TCF7L1: variants seen among roughly 807,000 people sequenced by gnomAD.
TCF7L1 encodes the protein transcription factor 7-like 1.
A neutral mutation model predicts 63.7 loss-of-function variants in TCF7L1; 18 were observed. That is an observed-to-expected ratio of 0.28 (90% CI 0.20 to 0.42). The LOEUF is 0.42. TCF7L1 is among the 10% of genes least tolerant of loss of function. The probability of loss-of-function intolerance (pLI) is 1.00; values close to 1 mark genes in which losing one functional copy is unlikely to be tolerated. For missense variants in TCF7L1, 654 were observed against 779.3 expected (o/e 0.84, Z 1.91); for synonymous variants, 355 against 340.9 (o/e 1.04, Z -0.46).
chr2:85,193,490 GCC>G (rs1442257434), intron 3 of TCF7L1, among the ~76,000 whole-genome samples: 2 of 152,102 alleles, frequency 1.3e-5, no homozygotes, highest in African/African-American at 4.8e-5. Context: ...TTCAAGACCA[GCC>G]TAGGCAACAA....
intron 3 of TCF7L1, among the ~76,000 whole-genome samples, chr2:85,173,429 G>GA (rs969931892): frequency 7.2e-5 from 11 of 152,064 alleles, no homozygotes; most frequent in African/African-American, 2.7e-4. Flanking sequence ...ACCATGGGGG[G>GA]ATATATAGAA....
At chr2:85,209,070 C>T (rs1450661076) in intron 3 of TCF7L1, among the ~76,000 whole-genome samples, 1 of 152,170 alleles carries the variant, frequency 6.6e-6, no homozygotes, top group Non-Finnish European at 1.5e-5. Context: ...GCGTTTCCTC[C>T]GAGTGGGACA....
chr2:85,198,131 C>A (rs1421020231), intron 3 of TCF7L1, among the ~76,000 whole-genome samples: 1 of 152,204 alleles, frequency 6.6e-6, no homozygotes. Flanking sequence ...ATCAAGTTGA[C>A]CAACAACCTT....
At chr2:85,266,058 G>A (rs982490852) in intron 3 of TCF7L1, among the ~76,000 whole-genome samples, 11 of 152,184 alleles carry the variant, frequency 7.2e-5, no homozygotes, top group African/African-American at 2.6e-4. Context: ...TACACAGGTG[G>A]AAATACATGT....
At chr2:85,256,852 G>A (rs189502838) in intron 3 of TCF7L1, among the ~76,000 whole-genome samples, 2 of 152,032 alleles carry the variant, frequency 1.3e-5, no homozygotes, top group East Asian at 3.9e-4. Flanking sequence ...GTGTGGTGGC[G>A]GGCATCTGTA....
chr2:85,308,116 T>C (rs1363890675), intron 11 of TCF7L1, among the ~76,000 whole-genome samples: 1 of 152,198 alleles, frequency 6.6e-6, no homozygotes, highest in Non-Finnish European at 1.5e-5. Flanking sequence ...CCTTGGATGT[T>C]TCTTTGGTTG....
intron 3 of TCF7L1, among the ~76,000 whole-genome samples, chr2:85,193,458 C>T (rs558908985): frequency 6.6e-6 from 1 of 152,198 alleles, no homozygotes; most frequent in South Asian, 2.1e-4. Flanking sequence ...GCCAAGGTGG[C>T]AGGATTGCTT....
chr2:85,262,052 CTT>C (rs1680868378), intron 3 of TCF7L1: 1 of 533,190 alleles, frequency 1.9e-6, no homozygotes, highest in Non-Finnish European at 3.7e-6. Context: ...GCTGGAGACA[CTT>C]TGTAGCAGAG....
chr2:85,136,808 T>G (rs183484946), intron 3 of TCF7L1, among the ~76,000 whole-genome samples: 1 of 152,338 alleles, frequency 6.6e-6, no homozygotes, highest in East Asian at 1.9e-4. Flanking sequence ...GAGGAAACAC[T>G]TAAGCACTTG....
chr2:85,217,216 C>T (rs557276009), intron 3 of TCF7L1: 24 of 152,302 alleles, frequency 1.6e-4, no homozygotes, highest in African/African-American at 5.5e-4. Flanking sequence ...TGTAAGTGGC[C>T]ACCTAAGCCT....
chr2:85,308,447 C>G (rs61440596), intron 11 of TCF7L1, among the ~76,000 whole-genome samples: 33,761 of 61,566 alleles, frequency 0.55, 9,612 homozygotes, highest in Non-Finnish European at 0.62. Flanking sequence ...CTCCCTTTCT[C>G]TTTCCCTCCC....
intron 3 of TCF7L1, chr2:85,262,032 A>G (rs1232369681): frequency 3.8e-6 from 2 of 527,652 alleles, no homozygotes. Flanking sequence ...CACTTCATTG[A>G]TCATTTCTAG....
chr2:85,163,849 A>G (rs1244001448), intron 3 of TCF7L1, among the ~76,000 whole-genome samples: 1 of 152,052 alleles, frequency 6.6e-6, no homozygotes, highest in African/African-American at 2.4e-5. Flanking sequence ...TGCTTTTTAT[A>G]AGGATAGCAG....
intron 3 of TCF7L1, among the ~76,000 whole-genome samples, chr2:85,208,560 A>G (rs1679468774): frequency 2.0e-5 from 3 of 152,310 alleles, no homozygotes; most frequent in South Asian, 2.1e-4. Context: ...TATCCAGTTC[A>G]TGGCTAAATT....
intron 3 of TCF7L1, among the ~76,000 whole-genome samples, chr2:85,143,106 G>A (rs970965782): frequency 6.6e-6 from 1 of 152,114 alleles, no homozygotes; most frequent in African/African-American, 2.4e-5. Context: ...AATTATCTGG[G>A]GTCCTCAGGA....
chr2:85,163,993 G>A (rs1479874504), intron 3 of TCF7L1, among the ~76,000 whole-genome samples: 1 of 152,162 alleles, frequency 6.6e-6, no homozygotes, highest in East Asian at 1.9e-4. Flanking sequence ...GAGATGTACT[G>A]GGGGTTAGGA....
chr2:85,277,846 C>G (rs1209174217), intron 3 of TCF7L1, among the ~76,000 whole-genome samples: 5 of 152,134 alleles, frequency 3.3e-5, no homozygotes, highest in South Asian at 2.1e-4. Flanking sequence ...TGAGAACGTG[C>G]GAACAGGGAG....
chr2:85,309,599 T>C lies in TCF7L1; in HGVS notation c.*137T>C, dbSNP rs545712697. The C allele has an allele frequency of 1.2e-6, 1 of 809,366 alleles. No individual in the cohort carries two copies. Among genetic ancestry groups the C allele is most frequent in the East Asian group, 3.0e-5 (1 of 33,584 alleles). 50.1% of individuals were successfully genotyped at this position (809,366 alleles called of 1,614,324 possible). A position where few individuals can be genotyped will look rare whatever the true frequency, so the allele number is the denominator to read the frequency against. On this transcript the variant is annotated 3_prime_UTR_variant, in exon 12 of 12. Transcript: ENST00000282111. ...GTAAAGTGGCTGGTAACAACAGCACTTTACAGTTTGTAGATGTAACCAGTA... is the reference window on the plus strand; with the variant it reads ...GTAAAGTGGCTGGTAACAACAGCACCTTACAGTTTGTAGATGTAACCAGTA...
At chr2:85,219,000 C>G (rs1238500779) in intron 3 of TCF7L1, among the ~76,000 whole-genome samples, 1 of 151,876 alleles carries the variant, frequency 6.6e-6, no homozygotes, top group Non-Finnish European at 1.5e-5. Context: ...CCTGTCTCTA[C>G]AAAAAATAAA....
Sources: allele counts gnomAD v4.1 joint callset (sites outside exome capture counted in the v4.1 genomes callset), GRCh38; gene constraint gnomAD v4.1.1; transcripts MANE v1.5; gene names NCBI Gene and HGNC (gene_info 2026-07-23, HGNC 2026-07-21).